The following DNER variants were observed in gnomAD, a reference collection of about 807,000 sequenced individuals.
DNER encodes delta/notch like EGF repeat containing.
Under a neutral mutation model 78.2 loss-of-function variants are expected in DNER, and 33 were observed. The observed-to-expected ratio is 0.42, with a 90% CI of 0.32 to 0.56. The LOEUF is 0.56. DNER is among the 20% of genes least tolerant of loss of function. DNER has a pLI of 0.11. For missense variants in DNER, 918 were observed against 975.3 expected, an observed-to-expected ratio of 0.94 and a Z score of 0.78; for synonymous variants, 417 against 384.8, an observed-to-expected ratio of 1.08 and a Z score of -0.98.
At position 229,574,060 on chromosome 2, in the gene DNER, G is replaced by A. The variant is rs767286114; in HGVS notation, c.847+11798C>T. Among the ~76,000 whole-genome samples the A allele has an allele frequency of 1.1e-3, 164 of 152,172 alleles. 3 individuals are homozygous for A. Among genetic ancestry groups the A allele is most frequent in the Non-Finnish European group, 2.5e-4 (17 of 68,020 alleles). ...TTAAGGACGTTGCTAAAAAGTACAC[G>A]TAAATTTCAAGTTGAATGCCACCTG... On this transcript the variant is annotated intron_variant, in intron 4 of 12. Transcript: ENST00000341772.
chr2:229,393,715 C>T (rs1488799909), intron 10 of DNER, among the ~76,000 whole-genome samples: 11 of 151,870 alleles, frequency 7.2e-5, no homozygotes, highest in South Asian at 2.1e-4. Flanking sequence ...GGCGTGGTGG[C>T]GGGCGCCTGT....
chr2:229,564,285 C>T (rs1697049980), intron 4 of DNER, among the ~76,000 whole-genome samples: 1 of 150,586 alleles, frequency 6.6e-6, no homozygotes. Context: ...CTCACCCCAT[C>T]ACCATCATCA....
intron 1 of DNER, among the ~76,000 whole-genome samples, chr2:229,658,367 T>G (rs369551800): frequency 1.3e-4 from 20 of 152,310 alleles, no homozygotes; most frequent in African/African-American, 4.8e-4. Context: ...GTTGCCCAAG[T>G]GTTAATGAAC....
chr2:229,466,222 T>C (rs1297463341), intron 7 of DNER, among the ~76,000 whole-genome samples: 1 of 152,150 alleles, frequency 6.6e-6, no homozygotes, highest in East Asian at 1.9e-4. Context: ...AAGGTCTACC[T>C]GAGCCGACTC....
intron 4 of DNER, among the ~76,000 whole-genome samples, chr2:229,548,771 A>C (rs1199322644): frequency 6.6e-6 from 1 of 152,208 alleles, no homozygotes; most frequent in Non-Finnish European, 1.5e-5. Flanking sequence ...AAACAAACAA[A>C]AAAACCTTTA....
chr2:229,614,104 C>G (rs1000584611), intron 1 of DNER, among the ~76,000 whole-genome samples: 2 of 151,194 alleles, frequency 1.3e-5, no homozygotes, highest in Non-Finnish European at 2.9e-5. Context: ...GTGCAGCACA[C>G]CAACATGGCA....
rs140947027 is a variant in DNER, at chr2:229,654,362, C to A, written c.276+59786G>T. On this transcript the variant is annotated intron_variant, in intron 1 of 12. Coordinates refer to ENST00000341772, the MANE Select transcript of DNER (RefSeq NM_139072.4). Reference sequence around the variant, plus strand: ...GACACATGCACAGGTATGTTTATTGCGGCACTATTCACAATAGCAAAGACT... The same window carrying A: ...GACACATGCACAGGTATGTTTATTGAGGCACTATTCACAATAGCAAAGACT... 1.1e-4 allele frequency among the ~76,000 whole-genome samples: 16 copies of A among 152,236 alleles called. No homozygotes were observed. In the South Asian group the frequency reaches 2.3e-3, roughly 22 times the overall value.
At chr2:229,571,563 C>T (rs996180378) in intron 4 of DNER, among the ~76,000 whole-genome samples, 11 of 152,218 alleles carry the variant, frequency 7.2e-5, no homozygotes, top group East Asian at 1.9e-4. Flanking sequence ...AACCTCCCTA[C>T]GGAAGACTCC....
intron 5 of DNER, among the ~76,000 whole-genome samples, chr2:229,523,866 T>C (rs1696150296): frequency 6.6e-6 from 1 of 152,244 alleles, no homozygotes; most frequent in Non-Finnish European, 1.5e-5. Context: ...GAAACATAGC[T>C]CATGAGCTCC....
intron 1 of DNER, among the ~76,000 whole-genome samples, chr2:229,673,870 A>AT (rs1214912648): frequency 6.6e-6 from 1 of 152,222 alleles, no homozygotes; most frequent in East Asian, 1.9e-4. Context: ...ACAAAGACTC[A>AT]TACCCAGCTC....
intron 6 of DNER, among the ~76,000 whole-genome samples, chr2:229,480,081 T>C (rs2154211412): frequency 6.6e-6 from 1 of 152,312 alleles, no homozygotes; most frequent in South Asian, 2.1e-4. Context: ...AATAGAAGAA[T>C]GCAGGACTCT....
At chr2:229,640,883 T>C (rs1161672830) in intron 1 of DNER, among the ~76,000 whole-genome samples, 2 of 152,152 alleles carry the variant, frequency 1.3e-5, no homozygotes, top group Non-Finnish European at 2.9e-5. Flanking sequence ...GAGTTGCGGT[T>C]CGGCTGAGTA....
intron 8 of DNER, among the ~76,000 whole-genome samples, chr2:229,421,980 T>A (rs892724590): frequency 3.9e-5 from 6 of 152,240 alleles, no homozygotes; most frequent in Non-Finnish European, 5.9e-5. Flanking sequence ...ATCATTATCT[T>A]TTTATACTAG....
chr2:229,503,447 C>T (rs1236587141), intron 6 of DNER, among the ~76,000 whole-genome samples: 1 of 152,150 alleles, frequency 6.6e-6, no homozygotes, highest in African/African-American at 2.4e-5. Flanking sequence ...GAAATAGTAG[C>T]TGAGGGTAAA....
chr2:229,685,285 ATACTT>A (rs1357728333), intron 1 of DNER, among the ~76,000 whole-genome samples: 1 of 113,694 alleles, frequency 8.8e-6, no homozygotes, highest in African/African-American at 3.5e-5. Context: ...AAATGAATAA[ATACTT>A]CACAGGATCA....
chr2:229,669,988 C>T (rs1699180486), intron 1 of DNER, among the ~76,000 whole-genome samples: 1 of 152,320 alleles, frequency 6.6e-6, no homozygotes, highest in Admixed American at 6.5e-5. Flanking sequence ...CAGAGAGTCG[C>T]ATCAGCATCC....
chr2:229,479,657 G>A lies in DNER; in HGVS notation c.1148-2404C>T, dbSNP rs1220991371. Among the ~76,000 whole-genome samples, 12 of 150,380 alleles carry A rather than the reference G, an allele frequency of 8.0e-5. No individual in the cohort carries two copies. The South Asian group carries it at 8.4e-4, about 11-fold the overall frequency. ...GAACCGAGGAGGTAGAGGTTACAGCGAGCCGAGATTGCGCCACTGCACTCC... is the reference window on the plus strand; with the variant it reads ...GAACCGAGGAGGTAGAGGTTACAGCAAGCCGAGATTGCGCCACTGCACTCC... On this transcript the variant is annotated intron_variant, in intron 6 of 12. Transcript: ENST00000341772.
At chr2:229,702,053 T>A in intron 1 of DNER, 1 of 185,212 alleles carries the variant, frequency 5.4e-6, no homozygotes, top group Non-Finnish European at 1.2e-5. Context: ...TCAGGAAAAA[T>A]TTGAAAGGAG....
rs78419899 is a variant in DNER, at chr2:229,656,207, C to T, written c.276+57941G>A. 2.9e-3 allele frequency among the ~76,000 whole-genome samples: 445 copies of T among 152,286 alleles called. 1 individual carries two copies. The highest frequency in any genetic ancestry group is 0.01 in the African/African-American group (418 of 41,546). The stretch of plus-strand genomic sequence containing the variant: ...CTTTGCCTGTGGTTACCACATGTGA[C>T]CTGCAGTCTCATGGGAAACAGGTAT... On this transcript the variant is annotated intron_variant, in intron 1 of 12. Coordinates refer to ENST00000341772, the MANE Select transcript of DNER (RefSeq NM_139072.4).
Sources: gnomAD v4.1 joint callset for allele counts (sites outside exome capture counted in the v4.1 genomes callset) on GRCh38, gnomAD v4.1.1 for gene constraint, MANE v1.5 for transcripts, NCBI Gene and HGNC (gene_info 2026-07-23, HGNC 2026-07-21) for gene names.